ANKRD10: variants seen among roughly 807,000 people sequenced by gnomAD.
ANKRD10 encodes ankyrin repeat domain 10.
ANKRD10 carries 14 observed loss-of-function variants against 27.0 expected under a neutral mutation model. That is an observed-to-expected ratio of 0.52 (90% CI 0.34 to 0.81). The LOEUF is 0.81. Ranked by LOEUF, ANKRD10 falls within the 40% of genes least tolerant of loss-of-function variation. ANKRD10 has a pLI of 0.01. For synonymous variants in ANKRD10, 250 were observed against 224.5 expected (o/e 1.11, Z -1.01); for missense variants, 493 against 544.0 (o/e 0.91, Z 0.93).
Position 110,910,491 on chromosome 13 carries a change from T to C in ANKRD10, c.363+127A>G. On this transcript the variant is annotated intron_variant, in intron 2 of 5. Coordinates refer to ENST00000267339, the MANE Select transcript of ANKRD10 (RefSeq NM_017664.4). ...CACAAACAACTGAAGAAACATAAATTCCAGTCTGCCCTCAGGTAAAGATAT... is the reference window on the plus strand; with the variant it reads ...CACAAACAACTGAAGAAACATAAATCCCAGTCTGCCCTCAGGTAAAGATAT... 2.5e-6 allele frequency: 3 copies of C among 1,213,700 alleles called. No homozygotes were observed. The South Asian group carries it at 4.4e-5, about 18-fold the overall frequency. 75.2% of individuals were successfully genotyped at this position (1,213,700 alleles called of 1,614,324 possible). A position where few individuals can be genotyped will look rare whatever the true frequency, so the allele number is the denominator to read the frequency against.
intron 3 of ANKRD10, chr13:110,900,697 G>T: frequency 7.4e-7 from 1 of 1,349,914 alleles, no homozygotes; most frequent in Admixed American, 1.9e-5. Flanking sequence ...TTACGTAGCT[G>T]TAAAACATTG....
chr13:110,892,182 A>G (rs1006317444), intron 4 of ANKRD10, among the ~76,000 whole-genome samples: 24 of 150,646 alleles, frequency 1.6e-4, no homozygotes, highest in Non-Finnish European at 2.7e-4. Context: ...CTGTAATCCC[A>G]GCACTTTGGG....
chr13:110,879,979 G>T lies in ANKRD10; in HGVS notation c.921C>A (p.Asn307Lys), dbSNP rs185731229. 3.1e-6 allele frequency: 5 copies of T among 1,614,158 alleles called. No individual in the cohort carries two copies. The African/African-American group carries it at 6.7e-5, about 22-fold the overall frequency. ...CTGGGGCTAATCCACTGCTAATTCC[G>T]TTAGTTCCTGTCAAGCACTGGCCAT... ...SRNGQCLTGT[N>K]GISSGLAPGQ... The change falls in exon 6 of 6, where the codon AAC becomes AAA. Residue 307 changes from asparagine to lysine, a missense_variant. Asn to Lys is a moderately conservative substitution (Grantham distance 94, BLOSUM62 0). Transcript: ENST00000267339.
chr13:110,902,912 A>C (rs765261874), intron 3 of ANKRD10, among the ~76,000 whole-genome samples: 3 of 152,222 alleles, frequency 2.0e-5, no homozygotes, highest in Non-Finnish European at 4.4e-5. Flanking sequence ...AATAAACACA[A>C]ATCAGCCAAA....
At chr13:110,912,949 A>G (rs2065762650) in intron 1 of ANKRD10, among the ~76,000 whole-genome samples, 1 of 152,252 alleles carries the variant, frequency 6.6e-6, no homozygotes, top group Admixed American at 6.5e-5. Flanking sequence ...ACAATGAAGT[A>G]ACTGCTTCTT....
chr13:110,888,271 T>C (rs549862111), intron 4 of ANKRD10, among the ~76,000 whole-genome samples: 1 of 151,330 alleles, frequency 6.6e-6, no homozygotes, highest in African/African-American at 2.4e-5. Context: ...ACAACTGTGC[T>C]GAGGACAACT....
At chr13:110,910,812 A>G in intron 1 of ANKRD10, 42 bp from the exon 2 acceptor site, 3 of 1,579,868 alleles carry the variant, frequency 1.9e-6, no homozygotes, top group Non-Finnish European at 2.6e-6. Flanking sequence ...CAGACATGTC[A>G]GTACACTATT....
At chr13:110,880,385 A>C (rs2064791408) in intron 5 of ANKRD10, among the ~76,000 whole-genome samples, 1 of 152,216 alleles carries the variant, frequency 6.6e-6, no homozygotes, top group African/African-American at 2.4e-5. Context: ...AATACACTGC[A>C]TGAAAAATAC....
intron 2 of ANKRD10, among the ~76,000 whole-genome samples, chr13:110,907,427 G>C (rs1279847491): frequency 1.3e-5 from 2 of 152,058 alleles, no homozygotes; most frequent in Admixed American, 1.3e-4. Context: ...TTAGAAAACA[G>C]TTCATTCCTA....
rs1220860390 is a variant in ANKRD10 at position 110,886,130 on chromosome 13, C to T, written c.692-2337G>A. ...GGCCTGGCCATGCGAGGTGCAGGGA[C>T]ATGCACCCTGAAGGCAGAGGTGCCA... On this transcript the variant is annotated intron_variant, in intron 4 of 5. Coordinates refer to ENST00000267339, the MANE Select transcript of ANKRD10 (RefSeq NM_017664.4). Among the ~76,000 whole-genome samples the T allele has an allele frequency of 5.3e-5, 8 of 152,246 alleles. No individual in the cohort carries two copies. The East Asian group carries it at 1.5e-3, about 29-fold the overall frequency.
intron 4 of ANKRD10, 177 bp downstream of exon 4, chr13:110,892,851 A>AGT (rs10664568): frequency 0.44 from 613,549 of 1,407,876 alleles, 137,479 homozygotes; most frequent in Non-Finnish European, 0.46. Context: ...CCTTTTGTTA[A>AGT]GTCCCATCTT....
rs369285672 is a variant in ANKRD10 at position 110,879,670 on chromosome 13, C to G, written c.1230G>C (p.Val410=). The change falls in exon 6 of 6, where the codon GTG becomes GTC. Residue 410 remains valine (V), a synonymous_variant. Transcript: ENST00000267339. ...CGTGGTGCAGGTGCATGGTGCCCAG[C>G]ACGGCACTGTCGTACCGCTCCTGCA... The part of the protein sequence containing the change: ...VKVQERYDSA[V]LGTMHLHHGS 41 of 1,613,606 alleles carry G rather than the reference C, an allele frequency of 2.5e-5. No homozygotes were observed. Among genetic ancestry groups the G allele is most frequent in the Admixed American group, 3.3e-5 (2 of 59,966 alleles).
At chr13:110,901,986 T>C (rs2065394556) in intron 3 of ANKRD10, among the ~76,000 whole-genome samples, 4 of 143,168 alleles carry the variant, frequency 2.8e-5, no homozygotes. Context: ...GAAGTTGCAG[T>C]GAACTATAAT....
chr13:110,914,058 T>TA (rs1367197464), intron 1 of ANKRD10, among the ~76,000 whole-genome samples: 1 of 152,240 alleles, frequency 6.6e-6, no homozygotes, highest in Non-Finnish European at 1.5e-5. Flanking sequence ...CAGCCGTCAC[T>TA]AATTTTGCTG....
chr13:110,910,619 G>C lies in ANKRD10; in HGVS notation c.362C>G (p.Pro121Arg), dbSNP rs143331283. The stretch of plus-strand genomic sequence containing the variant: ...CAAGTCCATCACCAGCACTCTTACC[G>C]GTTTGTTAATGTTGGCTCCTGCTTG... ...LIQAGANINK[P>R]DCEGETPIHK... is the part of the protein sequence containing the mutation. Residue 121 changes from proline (P) to arginine (R), a missense_variant and splice_region_variant, in exon 2 of 6, where the codon CCG (proline) becomes CGG (arginine). Coordinates refer to ENST00000267339, the MANE Select transcript of ANKRD10 (RefSeq NM_017664.4). The C allele has an allele frequency of 6.2e-7, 1 of 1,613,566 alleles. No homozygotes were observed. Among genetic ancestry groups the C allele is most frequent in the Non-Finnish European group, 8.5e-7 (1 of 1,179,922 alleles).
At chr13:110,887,777 G>A (rs1177125333) in intron 4 of ANKRD10, among the ~76,000 whole-genome samples, 2 of 152,142 alleles carry the variant, frequency 1.3e-5, no homozygotes, top group African/African-American at 4.8e-5. Flanking sequence ...TGTGTGGAAG[G>A]GTCCCAGGTG....
At position 110,884,159 on chromosome 13, in the gene ANKRD10, A is replaced by G. The variant is rs969968172; in HGVS notation, c.692-366T>C. Among the ~76,000 whole-genome samples the G allele has an allele frequency of 3.3e-5, 5 of 152,142 alleles. No individual in the cohort carries two copies. In the South Asian group the frequency reaches 1.0e-3, roughly 32 times the overall value. On this transcript the variant is annotated intron_variant, in intron 4 of 5. Coordinates refer to ENST00000267339, the MANE Select transcript of ANKRD10 (RefSeq NM_017664.4). The stretch of plus-strand genomic sequence containing the variant: ...TTTTTAATACTAAGACAATTCTTAA[A>G]TTTACATACAATTAAAACAATCCTG...
At chr13:110,898,259 CT>C (rs1446917327) in intron 3 of ANKRD10, among the ~76,000 whole-genome samples, 1 of 152,130 alleles carries the variant, frequency 6.6e-6, no homozygotes, top group Admixed American at 6.5e-5. Context: ...GTTCCTCCAA[CT>C]TTTTTAATAG....
chr13:110,889,429 T>TTATG (rs1268125268), intron 4 of ANKRD10, among the ~76,000 whole-genome samples: 1 of 152,208 alleles, frequency 6.6e-6, no homozygotes, highest in Non-Finnish European at 1.5e-5. Context: ...TCCACACCTA[T>TTATG]TATGTCTTAC....
Sources: allele counts gnomAD v4.1 joint callset (sites outside exome capture counted in the v4.1 genomes callset), GRCh38; gene constraint gnomAD v4.1.1; transcripts MANE v1.5; gene names NCBI Gene and HGNC (gene_info 2026-07-23, HGNC 2026-07-21).